SLC7A5: variants seen among roughly 807,000 people sequenced by gnomAD.
SLC7A5 encodes large neutral amino acids transporter small subunit 1.
In SLC7A5, 23 loss-of-function variants were observed where a neutral mutation model predicts 50.2. The observed-to-expected ratio is 0.46, with a 90% CI of 0.33 to 0.65. SLC7A5 has a LOEUF of 0.65. SLC7A5 is among the 30% of genes least tolerant of loss of function. SLC7A5 has a pLI of 0.02. For missense variants in SLC7A5, 578 were observed against 684.4 expected (o/e 0.84, Z 1.73); for synonymous variants, 393 against 330.6 (o/e 1.19, Z -2.05).
intron 1 of SLC7A5, among the ~76,000 whole-genome samples, chr16:87,863,986 A>ATATATATATATATAT (rs2055429223): frequency 2.4e-5 from 2 of 83,280 alleles, no homozygotes; most frequent in East Asian, 3.2e-4. Context: ...ATCATTTAAA[A>ATATATATATATATAT]ATATATATAT....
rs1472165908 is a variant in SLC7A5 at position 87,833,052 on chromosome 16, A to G, written c.1469-27T>C. 2.5e-6 allele frequency: 4 copies of G among 1,611,066 alleles called. No individual in the cohort carries two copies. The highest frequency in any genetic ancestry group is 2.7e-5 in the African/African-American group (2 of 74,992). ...TGTCAGGAGAGAAGACAGCTGTGTTAGCCTGGGGGCTGGGTAGGCACCCGT... is the reference window on the plus strand; with the variant it reads ...TGTCAGGAGAGAAGACAGCTGTGTTGGCCTGGGGGCTGGGTAGGCACCCGT... On this transcript the variant is annotated intron_variant, in intron 9 of 9. Transcript: ENST00000261622. This position sits in a 1 kb window ranked among gnomAD's most constrained non-coding sequence, Gnocchi z 6.0.
intron 2 of SLC7A5, among the ~76,000 whole-genome samples, chr16:87,845,667 T>G (rs2055145038): frequency 6.6e-6 from 1 of 152,196 alleles, no homozygotes; most frequent in Non-Finnish European, 1.5e-5. Flanking sequence ...GGCAACCAGA[T>G]GGCACTTTTG....
chr16:87,835,407 T>A (rs958157404), intron 8 of SLC7A5, among the ~76,000 whole-genome samples: 1 of 152,246 alleles, frequency 6.6e-6, no homozygotes, highest in Non-Finnish European at 1.5e-5. Context: ...CTGGTGCCCA[T>A]GTAGGGCGGC....
chr16:87,851,268 T>G (rs923098239), intron 2 of SLC7A5, among the ~76,000 whole-genome samples: 1 of 152,124 alleles, frequency 6.6e-6, no homozygotes, highest in Non-Finnish European at 1.5e-5. Context: ...GAATGATGAA[T>G]GAATCACAGC....
In SLC7A5 at chr16:87,841,217, G is replaced by T; in HGVS notation, c.665-62C>A. On this transcript the variant is annotated intron_variant, in intron 2 of 9. Coordinates refer to ENST00000261622, the MANE Select transcript of SLC7A5 (RefSeq NM_003486.7). This position sits in a 1 kb window ranked among gnomAD's most constrained non-coding sequence, Gnocchi z 4.8. ...GCGCTGAACAGAGGTCATGCTACCA[G>T]TTCTAGAATGTTCCTGGAGCAAAAT... The T allele has an allele frequency of 2.7e-6, 3 of 1,095,838 alleles. No individual in the cohort carries two copies. Among genetic ancestry groups the T allele is most frequent in the African/African-American group, 1.5e-5 (1 of 64,826 alleles). The allele number at this position is 1,095,838 out of a possible 1,614,324, so 67.9% of individuals were successfully genotyped here. A position where few individuals can be genotyped will look rare whatever the true frequency, so the allele number is the denominator to read the frequency against.
chr16:87,833,165 T>G lies in SLC7A5; in HGVS notation c.1469-140A>C. 1.3e-6 allele frequency: 1 copy of G among 752,654 alleles called. No homozygotes were observed. 46.6% of individuals were successfully genotyped at this position (752,654 alleles called of 1,614,324 possible). ...CCCAGCGCTGGGATTTTAAGGAACCTTCCCTTGTGTACTTGCGCATGTGGG... is the reference window on the plus strand; with the variant it reads ...CCCAGCGCTGGGATTTTAAGGAACCGTCCCTTGTGTACTTGCGCATGTGGG... On this transcript the variant is annotated intron_variant, in intron 9 of 9. Coordinates refer to ENST00000261622, the MANE Select transcript of SLC7A5 (RefSeq NM_003486.7). The surrounding 1 kb of genome is among the most constrained non-coding windows in gnomAD (Gnocchi z 6.0).
rs541625916 is a variant in SLC7A5, at chr16:87,862,147, C to G, written c.538+6738G>C. ...CTACAGGCTACAGGTGCTTGATACC[C>G]CAGGGGGGCCCTGGAACAGGCCTGG... On this transcript the variant is annotated intron_variant, in intron 1 of 9. Transcript: ENST00000261622. This position sits in a 1 kb window ranked among gnomAD's most constrained non-coding sequence, Gnocchi z 5.3. Among the ~76,000 whole-genome samples, 6 of 152,210 alleles carry G rather than the reference C, an allele frequency of 3.9e-5. No homozygotes were observed. The highest frequency in any genetic ancestry group is 1.4e-4 in the African/African-American group (6 of 41,524).
At chr16:87,858,907 T>C (rs897679933) in intron 1 of SLC7A5, among the ~76,000 whole-genome samples, 1 of 152,222 alleles carries the variant, frequency 6.6e-6, no homozygotes, top group African/African-American at 2.4e-5. Flanking sequence ...CCCGATGGGC[T>C]CTGCAGATGC....
intron 2 of SLC7A5, among the ~76,000 whole-genome samples, chr16:87,850,213 G>A (rs113524895): frequency 1.5e-4 from 23 of 152,194 alleles, no homozygotes; most frequent in Admixed American, 5.2e-4. Flanking sequence ...TGGGTGCTGC[G>A]GGGCACTGTT....
At chr16:87,839,911 C>A in intron 4 of SLC7A5, 86 bp from the exon 5 acceptor site, 3 of 1,553,800 alleles carry the variant, frequency 1.9e-6, no homozygotes, top group Non-Finnish European at 2.6e-6. Context: ...GGGCTCCTCG[C>A]AAGCAGTAGC....
intron 8 of SLC7A5, 45 bp from the exon 9 acceptor site, chr16:87,834,636 C>G (rs1175772089): frequency 5.8e-6 from 9 of 1,553,126 alleles, no homozygotes; most frequent in Non-Finnish European, 7.0e-6. Context: ...CCTGTCCAGC[C>G]TCCCTCCCCC....
At chr16:87,863,060 T>G (rs910953145) in intron 1 of SLC7A5, among the ~76,000 whole-genome samples, 1 of 152,158 alleles carries the variant, frequency 6.6e-6, no homozygotes, top group African/African-American at 2.4e-5. Flanking sequence ...TTCACCCAAC[T>G]GGGACAGGGA....
chr16:87,832,804 A>C lies in SLC7A5; in HGVS notation c.*166T>G. On this transcript the variant is annotated 3_prime_UTR_variant, in exon 10 of 10. Transcript: ENST00000261622. The surrounding 1 kb of genome is among the most constrained non-coding windows in gnomAD (Gnocchi z 4.6). ...CCCTCAGTTGAGGGATGAGATTCGT[A>C]CCAGAGTTTTCACAGCAGCCTCCAC... is the stretch of plus-strand genomic sequence containing the variant. 1 of 682,772 alleles carries C rather than the reference A, an allele frequency of 1.5e-6. No individual in the cohort carries two copies. Among genetic ancestry groups the C allele is most frequent in the Non-Finnish European group, 2.7e-6 (1 of 369,350 alleles). 42.3% of individuals were successfully genotyped at this position (682,772 alleles called of 1,614,324 possible).
At chr16:87,865,990 C>T (rs1417699613) in intron 1 of SLC7A5, among the ~76,000 whole-genome samples, 1 of 152,128 alleles carries the variant, frequency 6.6e-6, no homozygotes, top group Non-Finnish European at 1.5e-5. Context: ...GCAACAGACA[C>T]AGACTCTGTC....
At position 87,862,669 on chromosome 16, in the gene SLC7A5, C is replaced by T. The variant is rs1200857081; in HGVS notation, c.538+6216G>A. ...CAGGAGATACAGGCACGTGGAGGGACGGTCACAGCCCGTGCAACTGGCACC... is the reference window on the plus strand; with the variant it reads ...CAGGAGATACAGGCACGTGGAGGGATGGTCACAGCCCGTGCAACTGGCACC... On this transcript the variant is annotated intron_variant, in intron 1 of 9. Transcript: ENST00000261622. The surrounding 1 kb of genome is among the most constrained non-coding windows in gnomAD (Gnocchi z 5.3). Among the ~76,000 whole-genome samples, 2 of 152,330 alleles carry T rather than the reference C, an allele frequency of 1.3e-5. No individual in the cohort carries two copies. The highest frequency in any genetic ancestry group is 2.1e-4 in the South Asian group (1 of 4,822).
chr16:87,836,528 G>A lies in SLC7A5; in HGVS notation c.1260C>T (p.His420=). 6.2e-7 allele frequency: 1 copy of A among 1,612,930 alleles called. No homozygotes were observed. Among genetic ancestry groups the A allele is most frequent in the Non-Finnish European group, 8.5e-7 (1 of 1,180,004 alleles). Reference sequence around the variant, plus strand: ...TGGGCCGCTCAAGCTCAGGCTTTCTGTGGCGCAGCCAGATCATGCCGATGA... The same window carrying A: ...TGGGCCGCTCAAGCTCAGGCTTTCTATGGCGCAGCCAGATCATGCCGATGA... The part of the protein sequence containing the change: ...LAIIGMIWLR[H]RKPELERPIK... The change falls in exon 8 of 10, where the codon CAC becomes CAT. Residue 420 remains histidine, a synonymous_variant. Coordinates refer to ENST00000261622, the MANE Select transcript of SLC7A5 (RefSeq NM_003486.7).
rs74837312 is a variant in SLC7A5 at position 87,851,359 on chromosome 16, T to G, written c.664+365A>C. On this transcript the variant is annotated intron_variant, in intron 2 of 9. Coordinates refer to ENST00000261622, the MANE Select transcript of SLC7A5 (RefSeq NM_003486.7). ...TCTGACAGACCCAGGGTGAGATGGC[T>G]CGGGTGAGGTCTGCATGGCAGGCAT... Among the ~76,000 whole-genome samples, 804 of 152,250 alleles carry G rather than the reference T, an allele frequency of 5.3e-3. 9 individuals are homozygous for G. The highest frequency in any genetic ancestry group is 0.019 in the African/African-American group (770 of 41,542).
intron 8 of SLC7A5, among the ~76,000 whole-genome samples, chr16:87,835,754 G>A (rs748096331): frequency 1.4e-4 from 21 of 152,334 alleles, no homozygotes; most frequent in South Asian, 4.1e-4. Flanking sequence ...GATTACAGGC[G>A]TGAGCCACCG....
chr16:87,838,049 G>A, intron 6 of SLC7A5, 108 bp from the exon 7 acceptor site: 1 of 865,702 alleles, frequency 1.2e-6, no homozygotes, highest in South Asian at 1.4e-5. Context: ...GCTTGTCTGG[G>A]CCTCTCTGGC....
Sources: gnomAD v4.1 joint callset for allele counts (sites outside exome capture counted in the v4.1 genomes callset) on GRCh38, gnomAD v4.1.1 for gene constraint, Gnocchi (gnomAD v3.1) non-coding constraint, MANE v1.5 for transcripts, NCBI Gene and HGNC (gene_info 2026-07-23, HGNC 2026-07-21) for gene names.